AUTS2: variants seen among roughly 807,000 people sequenced by gnomAD.
AUTS2 encodes the protein activator of transcription and developmental regulator AUTS2.
Under a neutral mutation model 112.4 loss-of-function variants are expected in AUTS2, and 17 were observed. The observed-to-expected ratio is 0.15, with a 90% CI of 0.10 to 0.23. The LOEUF (loss-of-function observed/expected upper bound fraction) is 0.23. AUTS2 is among the 10% of genes least tolerant of loss of function. The pLI, the probability that AUTS2 is intolerant of heterozygous loss-of-function variation, is 1.00. For missense variants in AUTS2, 1,510 were observed against 1,701.6 expected (o/e 0.89, Z 1.98); for synonymous variants, 751 against 702.7 (o/e 1.07, Z -1.09).
At position 70,338,415 on chromosome 7, in the gene AUTS2, A is replaced by G. The variant is rs1008929610; in HGVS notation, c.661-97337A>G. On this transcript the variant is annotated intron_variant, in intron 4 of 18. Transcript: ENST00000342771. ...AGAAACAGCCGGTATTACAGATAGC[A>G]TAGACTGTCTTTTAGGAAAATTTCA... Among the ~76,000 whole-genome samples, 17 of 152,320 alleles carry G rather than the reference A, an allele frequency of 1.1e-4. No homozygotes were observed. The East Asian group carries it at 3.3e-3, about 29-fold the overall frequency.
At chr7:70,547,867 A>G (rs1800854449) in intron 5 of AUTS2, among the ~76,000 whole-genome samples, 1 of 152,170 alleles carries the variant, frequency 6.6e-6, no homozygotes, top group African/African-American at 2.4e-5. Flanking sequence ...TAACTTTCTT[A>G]AGATACTGCC....
chr7:70,424,942 A>G (rs1160046531), intron 4 of AUTS2, among the ~76,000 whole-genome samples: 2 of 152,222 alleles, frequency 1.3e-5, no homozygotes, highest in African/African-American at 4.8e-5. Context: ...AGAGGAAAAC[A>G]TGCTCTGCCG....
At chr7:69,758,513 G>A (rs576540937) in intron 1 of AUTS2, among the ~76,000 whole-genome samples, 32 of 152,202 alleles carry the variant, frequency 2.1e-4, no homozygotes, top group Non-Finnish European at 1.3e-4. Flanking sequence ...ACTGTGTTTC[G>A]TTCCCATCTC....
Position 70,789,769 on chromosome 7 carries a change from C to T in AUTS2, c.2553C>T (p.His851=). Residue 851 remains histidine, a synonymous_variant, in exon 19 of 19, where the codon CAC becomes CAT. Transcript: ENST00000342771. ...CCAGGGAAAGCGTCGAGAAGAGACA[C>T]TCCAGCCACCCTTCACCAGCACCTG... ...DKERESVEKR[H]SSHPSPAPVL... is the part of the protein sequence containing the mutation. 1 of 1,613,650 alleles carries T rather than the reference C, an allele frequency of 6.2e-7. No homozygotes were observed. The highest frequency in any genetic ancestry group is 2.2e-5 in the East Asian group (1 of 44,848).
At chr7:69,988,242 A>G (rs1266855597) in intron 2 of AUTS2, among the ~76,000 whole-genome samples, 1 of 152,214 alleles carries the variant, frequency 6.6e-6, no homozygotes. Flanking sequence ...GACACTTAGA[A>G]TGTCTAAAAA....
At chr7:70,321,443 TG>T (rs1408716281) in intron 4 of AUTS2, among the ~76,000 whole-genome samples, 1 of 152,230 alleles carries the variant, frequency 6.6e-6, no homozygotes, top group East Asian at 1.9e-4. Context: ...TTGGCAGTGT[TG>T]TTTTAAATAA....
At chr7:70,400,406 A>G (rs1794276682) in intron 4 of AUTS2, among the ~76,000 whole-genome samples, 1 of 152,190 alleles carries the variant, frequency 6.6e-6, no homozygotes, top group South Asian at 2.1e-4. Flanking sequence ...CTCCTGCCCA[A>G]AAAGTTCCCT....
chr7:70,076,065 G>T (rs1803013515), intron 2 of AUTS2, among the ~76,000 whole-genome samples: 1 of 152,204 alleles, frequency 6.6e-6, no homozygotes, highest in Non-Finnish European at 1.5e-5. Flanking sequence ...AAAACAGGCA[G>T]CAGGCTGATT....
chr7:70,123,140 C>T lies in AUTS2; in HGVS notation c.624+4907C>T, dbSNP rs560227331. On this transcript the variant is annotated intron_variant, in intron 3 of 18. Transcript: ENST00000342771. ...ATCCATCCACCTTGGCCTTCCAAAG[C>T]GCTGGGATTACAGGCGTGAGCCACC... Among the ~76,000 whole-genome samples the T allele has an allele frequency of 4.6e-5, 7 of 151,948 alleles. No homozygotes were observed. In the South Asian group the frequency reaches 6.2e-4, roughly 14 times the overall value.
chr7:70,656,041 CCA>C (rs1171039104), intron 5 of AUTS2, among the ~76,000 whole-genome samples: 1 of 151,960 alleles, frequency 6.6e-6, no homozygotes, highest in Non-Finnish European at 1.5e-5. Flanking sequence ...TGTGTGTTAT[CCA>C]CCCAGCCAAG....
At chr7:70,652,983 G>A (rs1289881470) in intron 5 of AUTS2, among the ~76,000 whole-genome samples, 2 of 152,064 alleles carry the variant, frequency 1.3e-5, no homozygotes, top group Non-Finnish European at 2.9e-5. Flanking sequence ...GCCCAGGTGT[G>A]GTGGCTCATG....
At chr7:70,755,416 GCA>G (rs1201665059) in intron 6 of AUTS2, among the ~76,000 whole-genome samples, 5 of 152,128 alleles carry the variant, frequency 3.3e-5, no homozygotes, top group Non-Finnish European at 7.4e-5. Context: ...TGTAATCCCA[GCA>G]CTTTGGGAGG....
At chr7:70,252,155 G>A (rs1344892131) in intron 4 of AUTS2, among the ~76,000 whole-genome samples, 4 of 152,120 alleles carry the variant, frequency 2.6e-5, no homozygotes, top group Non-Finnish European at 5.9e-5. Context: ...TCAGAAGTAA[G>A]ACTACTGGAT....
chr7:69,695,235 G>C (rs1797506617), intron 1 of AUTS2, among the ~76,000 whole-genome samples: 1 of 152,132 alleles, frequency 6.6e-6, no homozygotes, highest in Non-Finnish European at 1.5e-5. Context: ...AGGCTAAGGT[G>C]GGAGGATAGC....
chr7:70,321,616 A>T (rs1213866268), intron 4 of AUTS2, among the ~76,000 whole-genome samples: 1 of 152,182 alleles, frequency 6.6e-6, no homozygotes, highest in Non-Finnish European at 1.5e-5. Flanking sequence ...CCACAAAAAA[A>T]CAGCATTTCT....
rs1243318761 is a variant in AUTS2, at chr7:69,599,309, AT to A, written c.-336del. ...TGATTTATTGCTTGCTTGGTGAGTT[AT>A]TTTTTTTTCCTCTAAAGGAGACCTG... On this transcript the variant is annotated 5_prime_UTR_variant, in exon 1 of 19. Coordinates refer to ENST00000342771, the MANE Select transcript of AUTS2 (RefSeq NM_015570.4). This position sits in a 1 kb window ranked among gnomAD's most constrained non-coding sequence, Gnocchi z 7.0. 119 of 210,920 alleles carry A rather than the reference AT, an allele frequency of 5.6e-4. No homozygotes were observed. Among genetic ancestry groups the A allele is most frequent in the Middle Eastern group, 1.6e-3 (1 of 636 alleles). The allele number at this position is 210,920 out of a possible 1,614,324, so 13.1% of individuals were successfully genotyped here.
chr7:69,809,905 A>G (rs1172984762), intron 1 of AUTS2, among the ~76,000 whole-genome samples: 5 of 152,218 alleles, frequency 3.3e-5, no homozygotes, highest in Admixed American at 2.0e-4. Context: ...GTCTGCCTTC[A>G]GGCTTGCCTC....
intron 5 of AUTS2, among the ~76,000 whole-genome samples, chr7:70,632,029 T>C (rs1370486198): frequency 1.3e-5 from 2 of 151,654 alleles, no homozygotes; most frequent in Admixed American, 6.6e-5. Flanking sequence ...TTACAAGTGA[T>C]AAGCAGGACA....
At chr7:70,415,587 T>C (rs189918973) in intron 4 of AUTS2, among the ~76,000 whole-genome samples, 1 of 152,214 alleles carries the variant, frequency 6.6e-6, no homozygotes, top group African/African-American at 2.4e-5. Flanking sequence ...TTGTTTAAGA[T>C]CTGGTGATCT....
Sources: gnomAD v4.1 joint callset for allele counts (sites outside exome capture counted in the v4.1 genomes callset) on GRCh38, gnomAD v4.1.1 for gene constraint, Gnocchi (gnomAD v3.1) non-coding constraint, MANE v1.5 for transcripts, NCBI Gene and HGNC (gene_info 2026-07-23, HGNC 2026-07-21) for gene names.